Variants in RGS6 observed in about 807,000 individuals in gnomAD.
RGS6 encodes regulator of G protein signaling 6, also known as regulator of G-protein signaling 6.
In RGS6, 30 loss-of-function variants were observed where a neutral mutation model predicts 78.5. The ratio of observed to expected loss-of-function variants is 0.38; its 90% CI spans 0.29 to 0.52. The LOEUF (loss-of-function observed/expected upper bound fraction) is 0.52. Among genes scored for constraint, RGS6 ranks in the 20% least tolerant of loss-of-function variants. The pLI is 0.85. For synonymous variants in RGS6, 206 were observed against 206.0 expected, an observed-to-expected ratio of 1.00 and a Z score of 0.00; for missense variants, 495 against 609.7, an observed-to-expected ratio of 0.81 and a Z score of 1.98.
chr14:72,258,710 T>C (rs975465239), intron 2 of RGS6, among the ~76,000 whole-genome samples: 1 of 152,246 alleles, frequency 6.6e-6, no homozygotes, highest in Non-Finnish European at 1.5e-5. Flanking sequence ...ACAAATAATG[T>C]CTGTTTCACA....
At chr14:72,586,875 G>T in the RGS6 span, among the ~76,000 whole-genome samples, 1 of 152,134 alleles carries the variant, frequency 6.6e-6, no homozygotes, top group Non-Finnish European at 1.5e-5. Context: ...AATATTTGAT[G>T]AGTCAATCAG....
At position 72,497,337 on chromosome 14, in the gene RGS6, T is replaced by C. The variant is rs571570586; in HGVS notation, c.965+2075T>C. On this transcript the variant is annotated intron_variant, in intron 13 of 17. Transcript: ENST00000553525. ...TTCCTTGTTAATATACTTGAGAATC[T>C]TTTCACATGTTTATTAGACAGATTC... is the stretch of plus-strand genomic sequence containing the variant. 7.2e-5 allele frequency among the ~76,000 whole-genome samples: 11 copies of C among 152,352 alleles called. No homozygotes were observed. The East Asian group carries it at 1.9e-3, about 27-fold the overall frequency.
At position 72,167,746 on chromosome 14, in the gene RGS6, T is replaced by G. The variant is rs943437132; in HGVS notation, c.85-184349T>G. Among the ~76,000 whole-genome samples the G allele has an allele frequency of 2.6e-5, 4 of 152,352 alleles. No homozygotes were observed. The East Asian group carries it at 7.7e-4, about 29-fold the overall frequency. ...ACAAGCAACATGAAATAAAAGGCCA[T>G]TTGCATATTGTAGGCAAATAAAAAC... On this transcript the variant is annotated intron_variant, in intron 2 of 17. Transcript: ENST00000553525.
Position 72,259,313 on chromosome 14 carries a change from C to T in RGS6, c.85-92782C>T, listed in dbSNP as rs577041888. Among the ~76,000 whole-genome samples the T allele has an allele frequency of 5.9e-5, 9 of 152,218 alleles. No homozygotes were observed. In the South Asian group the frequency reaches 1.5e-3, roughly 25 times the overall value. Reference sequence around the variant, plus strand: ...ATCAAAATTAATTGGCACTGTGTAGCAGCTTTTTTTTAATGTAGCAATGAT... The same window carrying T: ...ATCAAAATTAATTGGCACTGTGTAGTAGCTTTTTTTTAATGTAGCAATGAT... On this transcript the variant is annotated intron_variant, in intron 2 of 17. Coordinates refer to ENST00000553525, the MANE Select transcript of RGS6 (RefSeq NM_001204424.2).
At chr14:71,990,264 A>T (rs543582133) in intron 2 of RGS6, among the ~76,000 whole-genome samples, 6 of 152,310 alleles carry the variant, frequency 3.9e-5, no homozygotes, top group Non-Finnish European at 5.9e-5. Flanking sequence ...GCAAATTTCA[A>T]CATGAGATTT....
chr14:72,276,733 G>C (rs1433300952), intron 2 of RGS6, among the ~76,000 whole-genome samples: 1 of 151,984 alleles, frequency 6.6e-6, no homozygotes, highest in African/African-American at 2.4e-5. Flanking sequence ...GATATTCCTT[G>C]CTCTTCCACC....
the RGS6 span, among the ~76,000 whole-genome samples, chr14:72,626,919 T>C: frequency 6.6e-6 from 1 of 151,026 alleles, no homozygotes; most frequent in African/African-American, 2.5e-5. Flanking sequence ...TGTGAGTGCA[T>C]TTGAACTTTT....
chr14:72,530,346 G>T (rs950006063), intron 15 of RGS6, among the ~76,000 whole-genome samples: 1 of 152,220 alleles, frequency 6.6e-6, no homozygotes, highest in South Asian at 2.1e-4. Context: ...CAAGGAGACA[G>T]TGTGTCATTT....
In RGS6 at chr14:72,563,693, G is replaced by A. The variant is rs575412065; in HGVS notation, c.*1226G>A. ...TGACCATTTGCCAACCTGGCTGTGA[G>A]GTAATGTATGTAAAGCACCGAGTCA... On this transcript the variant is annotated 3_prime_UTR_variant, in exon 18 of 18. Coordinates refer to ENST00000553525, the MANE Select transcript of RGS6 (RefSeq NM_001204424.2). 6.6e-6 allele frequency: 1 copy of A among 152,244 alleles called. No individual in the cohort carries two copies. Among genetic ancestry groups the A allele is most frequent in the Non-Finnish European group, 1.5e-5 (1 of 68,050 alleles). 9.4% of individuals were successfully genotyped at this position (152,244 alleles called of 1,614,324 possible).
intron 2 of RGS6, among the ~76,000 whole-genome samples, chr14:71,995,189 C>T (rs887877112): frequency 2.6e-5 from 4 of 152,202 alleles, no homozygotes; most frequent in Admixed American, 2.6e-4. Flanking sequence ...ATGTCCCTCT[C>T]AGTCCCTCTG....
chr14:72,546,196 G>A (rs559519429), intron 17 of RGS6, among the ~76,000 whole-genome samples: 4 of 152,258 alleles, frequency 2.6e-5, no homozygotes, highest in African/African-American at 9.6e-5. Flanking sequence ...TGAAGTCCGT[G>A]GTTAAGACCA....
intron 3 of RGS6, among the ~76,000 whole-genome samples, chr14:72,420,220 G>C (rs1224453740): frequency 6.6e-6 from 1 of 152,216 alleles, no homozygotes; most frequent in African/African-American, 2.4e-5. Context: ...GTCTCACAAT[G>C]CCAGGAGGGT....
At chr14:72,438,291 C>T (rs1203603362) in intron 3 of RGS6, among the ~76,000 whole-genome samples, 3 of 152,058 alleles carry the variant, frequency 2.0e-5, no homozygotes, top group Non-Finnish European at 4.4e-5. Flanking sequence ...CCGAGCCCCT[C>T]TTCTCTCTCT....
At chr14:72,423,298 A>G (rs991157817) in intron 3 of RGS6, among the ~76,000 whole-genome samples, 1 of 152,132 alleles carries the variant, frequency 6.6e-6, no homozygotes, top group Non-Finnish European at 1.5e-5. Flanking sequence ...CCCCCACCCC[A>G]TGTCATGTTT....
At chr14:71,961,238 C>T (rs1225423282) in intron 1 of RGS6, among the ~76,000 whole-genome samples, 1 of 152,020 alleles carries the variant, frequency 6.6e-6, no homozygotes, top group Non-Finnish European at 1.5e-5. Flanking sequence ...GACAGAGACA[C>T]GTGGCATGGA....
At chr14:72,303,368 G>A (rs1042191502) in intron 2 of RGS6, among the ~76,000 whole-genome samples, 31 of 152,298 alleles carry the variant, frequency 2.0e-4, no homozygotes, top group African/African-American at 7.5e-4. Flanking sequence ...AGGAGTGATG[G>A]CATGTGCCTA....
intron 2 of RGS6, among the ~76,000 whole-genome samples, chr14:72,216,561 C>T (rs529739751): frequency 7.2e-5 from 11 of 152,288 alleles, no homozygotes; most frequent in Admixed American, 7.2e-4. Flanking sequence ...AAGATCATTT[C>T]ACTAACATGT....
At chr14:72,002,771 CT>C in intron 2 of RGS6, among the ~76,000 whole-genome samples, 1 of 152,242 alleles carries the variant, frequency 6.6e-6, no homozygotes, top group Non-Finnish European at 1.5e-5. Flanking sequence ...ACACTTCTGC[CT>C]TTGGTGCATG....
intron 17 of RGS6, among the ~76,000 whole-genome samples, chr14:72,554,102 G>A (rs2097540332): frequency 6.6e-6 from 1 of 152,236 alleles, no homozygotes; most frequent in African/African-American, 2.4e-5. Context: ...CTGATAGTGG[G>A]GAAGAAAGAA....
Sources: gnomAD v4.1 joint callset for allele counts (sites outside exome capture counted in the v4.1 genomes callset) on GRCh38, gnomAD v4.1.1 for gene constraint, MANE v1.5 for transcripts, NCBI Gene and HGNC (gene_info 2026-07-23, HGNC 2026-07-21) for gene names.